CCM2: variants seen among roughly 807,000 people sequenced by gnomAD.
The protein encoded by CCM2 is cerebral cavernous malformations 2 protein.
Under a neutral mutation model 44.9 loss-of-function variants are expected in CCM2, and 25 were observed. The ratio of observed to expected loss-of-function variants is 0.56; its 90% CI spans 0.41 to 0.78. CCM2 has a LOEUF of 0.78. Ranked by LOEUF, CCM2 falls within the 30% of genes least tolerant of loss-of-function variation. The pLI, the probability that CCM2 is intolerant of heterozygous loss-of-function variation, is 0.00. For synonymous variants in CCM2, 219 were observed against 241.1 expected (o/e 0.91, Z 0.85); for missense variants, 481 against 580.6 (o/e 0.83, Z 1.76).
At chr7:45,031,204 GA>G (rs1206470457) in intron 1 of CCM2, among the ~76,000 whole-genome samples, 1 of 150,842 alleles carries the variant, frequency 6.6e-6, no homozygotes, top group East Asian at 2.0e-4. Context: ...CCAACATGGT[GA>G]AACCCCATCT....
intron 1 of CCM2, among the ~76,000 whole-genome samples, chr7:45,019,942 T>G (rs1796418219): frequency 6.6e-6 from 1 of 152,162 alleles, no homozygotes; most frequent in South Asian, 2.1e-4. Flanking sequence ...TCACCTCCGC[T>G]TACGCAGTTC....
chr7:45,024,169 T>A (rs930205559), intron 1 of CCM2, among the ~76,000 whole-genome samples: 1 of 152,182 alleles, frequency 6.6e-6, no homozygotes, highest in East Asian at 1.9e-4. Context: ...GTGTGGACTT[T>A]TTGGATTTCT....
At chr7:45,058,153 A>G (rs2128744193) in intron 2 of CCM2, among the ~76,000 whole-genome samples, 1 of 152,378 alleles carries the variant, frequency 6.6e-6, no homozygotes, top group Non-Finnish European at 1.5e-5. Flanking sequence ...CAGCAAAGAC[A>G]GTTTCCCAAC....
intron 1 of CCM2, among the ~76,000 whole-genome samples, chr7:45,029,791 T>C (rs1478359885): frequency 6.6e-6 from 1 of 152,208 alleles, no homozygotes; most frequent in East Asian, 1.9e-4. Flanking sequence ...TGGCTTTGTG[T>C]GAGGAGGGCA....
intron 2 of CCM2, among the ~76,000 whole-genome samples, chr7:45,058,190 G>A (rs757512021): frequency 1.2e-4 from 18 of 152,140 alleles, no homozygotes; most frequent in Non-Finnish European, 1.9e-4. Flanking sequence ...TCCTTCTCTT[G>A]CATAATTGCA....
intron 2 of CCM2, among the ~76,000 whole-genome samples, chr7:45,057,125 C>G (rs538838997): frequency 6.7e-4 from 102 of 152,158 alleles, no homozygotes; most frequent in African/African-American, 2.4e-3. Flanking sequence ...ATAATCTGAC[C>G]ATATACACAA....
At chr7:45,011,897 A>C (rs564271260) in intron 1 of CCM2, among the ~76,000 whole-genome samples, 1 of 152,044 alleles carries the variant, frequency 6.6e-6, no homozygotes, top group East Asian at 1.9e-4. Flanking sequence ...TCAGTATTTT[A>C]GTATGTTGTC....
At chr7:45,027,424 G>C (rs1796737786) in intron 1 of CCM2, 1 of 529,654 alleles carries the variant, frequency 1.9e-6, no homozygotes, top group Admixed American at 3.2e-5. Flanking sequence ...CAGAATTTCT[G>C]CTGGAAATGC....
At chr7:45,008,192 C>G (rs10951785) in intron 1 of CCM2, among the ~76,000 whole-genome samples, 131,621 of 151,730 alleles carry the variant, frequency 0.87, 57,391 homozygotes, top group African/African-American at 0.96. Flanking sequence ...GGTGCGTGTT[C>G]CCATGCCCGG....
chr7:45,044,005 C>T (rs536122489), intron 2 of CCM2, among the ~76,000 whole-genome samples: 1 of 152,300 alleles, frequency 6.6e-6, no homozygotes, highest in East Asian at 1.9e-4. Flanking sequence ...TCTGGCTTAT[C>T]AGTTCTTCTC....
chr7:45,073,313 G>T (rs893251859), intron 7 of CCM2, 147 bp from the exon 8 acceptor site: 4 of 671,186 alleles, frequency 6.0e-6, no homozygotes, highest in East Asian at 2.7e-5. Context: ...TGCCCAGTCA[G>T]CTCTCCTCTC....
chr7:45,002,081 C>T (rs1230302290), intron 1 of CCM2, among the ~76,000 whole-genome samples: 1 of 152,188 alleles, frequency 6.6e-6, no homozygotes, highest in Non-Finnish European at 1.5e-5. Context: ...GCTGGCAGAA[C>T]CTTCCTGCTC....
In CCM2 at chr7:45,068,503, G is replaced by A. The variant is rs769929401; in HGVS notation, c.533G>A (p.Ser178Asn). 4 of 1,614,194 alleles carry A rather than the reference G, an allele frequency of 2.5e-6. No individual in the cohort carries two copies. Among genetic ancestry groups the A allele is most frequent in the East Asian group, 4.5e-5 (2 of 44,882 alleles). The change falls in exon 5 of 10, where the codon AGT becomes AAT. Residue 178 changes from serine to asparagine, a missense_variant. By Grantham distance (46) the Ser-to-Asn change is conservative (BLOSUM62 1). Transcript: ENST00000258781. ...SLCAESSRGL[S>N]AGSLSESAVG... ...TGTGCGGAAAGTTCCAGAGGCCTCA[G>A]TGCAGGCTCCCTGTCGGAGAGTGCA...
At chr7:45,016,988 C>T (rs1007444361) in intron 1 of CCM2, among the ~76,000 whole-genome samples, 3 of 151,848 alleles carry the variant, frequency 2.0e-5, no homozygotes, top group Non-Finnish European at 2.9e-5. Flanking sequence ...CCAGGATGGT[C>T]TCGATCTCCT....
chr7:45,009,320 A>G lies in CCM2; in HGVS notation c.30+8957A>G, dbSNP rs1395774328. On this transcript the variant is annotated intron_variant, in intron 1 of 9. Transcript: ENST00000258781. ...TGTCTCAAAAAAAAAAAAAAAAAAA[A>G]AATTTTTGAGTACACCAAAGTTGAA... 3.3e-3 allele frequency among the ~76,000 whole-genome samples: 473 copies of G among 141,762 alleles called. 2 individuals carry two copies. The highest frequency in any genetic ancestry group is 0.012 in the African/African-American group (434 of 35,644). The allele number at this position is 141,762 out of a possible 152,430, so 93.0% of individuals were successfully genotyped here. A position where few individuals can be genotyped will look rare whatever the true frequency, so the allele number is the denominator to read the frequency against.
At chr7:45,054,624 C>T (rs1798169697) in intron 2 of CCM2, among the ~76,000 whole-genome samples, 1 of 152,182 alleles carries the variant, frequency 6.6e-6, no homozygotes, top group South Asian at 2.1e-4. Context: ...GTGTGGTTGG[C>T]AGTCAGGCAA....
chr7:45,031,473 G>T (rs1460867847), intron 1 of CCM2, among the ~76,000 whole-genome samples: 1 of 151,760 alleles, frequency 6.6e-6, no homozygotes, highest in African/African-American at 2.4e-5. Flanking sequence ...TGAGCTCCTG[G>T]GTTCAAGTGA....
At chr7:45,009,300 CAAA>C (rs774413571) in intron 1 of CCM2, among the ~76,000 whole-genome samples, 7 of 20,160 alleles carry the variant, frequency 3.5e-4, no homozygotes, top group African/African-American at 6.4e-4. Context: ...GCCTCTGTCT[CAAA>C]AAAAAAAAAA....
intron 2 of CCM2, among the ~76,000 whole-genome samples, chr7:45,046,600 T>A (rs745924441): frequency 6.6e-6 from 1 of 152,108 alleles, no homozygotes. Flanking sequence ...AAAAATTAAC[T>A]CAAAATGGAT....
Sources: gnomAD v4.1 joint callset for allele counts (sites outside exome capture counted in the v4.1 genomes callset) on GRCh38, gnomAD v4.1.1 for gene constraint, MANE v1.5 for transcripts, NCBI Gene and HGNC (gene_info 2026-07-23, HGNC 2026-07-21) for gene names.